SMCHD1: variants seen among roughly 807,000 people sequenced by gnomAD.
SMCHD1 encodes the protein structural maintenance of chromosomes flexible hinge domain-containing protein 1.
SMCHD1 carries 78 observed loss-of-function variants against 254.7 expected under a neutral mutation model. The observed-to-expected ratio is 0.31, with a 90% CI of 0.26 to 0.37. The LOEUF is 0.37. Ranked by LOEUF, SMCHD1 falls within the 10% of genes least tolerant of loss-of-function variation. SMCHD1 has a pLI of 1.00. For missense variants in SMCHD1, 1,840 were observed against 2,408.1 expected (o/e 0.76, Z 4.94); for synonymous variants, 766 against 794.9 (o/e 0.96, Z 0.61).
At chr18:2,709,452 T>C (rs2074618070) in intron 17 of SMCHD1, among the ~76,000 whole-genome samples, 1 of 152,176 alleles carries the variant, frequency 6.6e-6, no homozygotes, top group South Asian at 2.1e-4. Flanking sequence ...ATTTAATTTA[T>C]TGAGAAACTG....
At chr18:2,732,726 T>G (rs982528793) in intron 25 of SMCHD1, among the ~76,000 whole-genome samples, 12 of 152,172 alleles carry the variant, frequency 7.9e-5, no homozygotes, top group African/African-American at 2.2e-4. Flanking sequence ...CTTAAAAATC[T>G]AGGTTTTGGC....
intron 23 of SMCHD1, 70 bp from the exon 24 acceptor site, chr18:2,729,197 ATTTGAAAC>A: frequency 8.3e-7 from 1 of 1,199,920 alleles, no homozygotes; most frequent in Non-Finnish European, 1.1e-6. Flanking sequence ...CTACTGAATT[ATTTGAAAC>A]TTTGAACAAT....
Position 2,738,465 on chromosome 18 carries a change from A to G in SMCHD1, c.3345A>G (p.Pro1115=). Residue 1115 remains proline (P), a synonymous_variant, in exon 26 of 48, where the codon CCA becomes CCG. Transcript: ENST00000320876. Reference sequence around the variant, plus strand: ...GTCTGCTTCCTGATGTGCAAGTACCAACATCTGTAAAAGATATGCGCTATT... The same window carrying G: ...GTCTGCTTCCTGATGTGCAAGTACCGACATCTGTAAAAGATATGCGCTATT... ...LQGLLPDVQV[P]TSVKDMRYCQ... 6.2e-7 allele frequency: 1 copy of G among 1,612,638 alleles called. No individual in the cohort carries two copies. The highest frequency in any genetic ancestry group is 1.1e-5 in the South Asian group (1 of 90,876).
intron 10 of SMCHD1, 41 bp downstream of exon 10, chr18:2,698,082 T>A: frequency 1.4e-6 from 2 of 1,466,596 alleles, no homozygotes; most frequent in Non-Finnish European, 9.4e-7. Context: ...TATGAAGTTG[T>A]AATTTAGGAC....
chr18:2,745,608 A>C (rs1459054294), intron 29 of SMCHD1, among the ~76,000 whole-genome samples: 1 of 152,168 alleles, frequency 6.6e-6, no homozygotes, highest in Non-Finnish European at 1.5e-5. Context: ...TTTTATACCT[A>C]CTGATGCCAG....
intron 45 of SMCHD1, among the ~76,000 whole-genome samples, chr18:2,786,002 T>A (rs2076234267): frequency 6.6e-6 from 1 of 152,142 alleles, no homozygotes. Context: ...TACTTTTATT[T>A]ACTTTTTTCT....
intron 41 of SMCHD1, 134 bp downstream of exon 41, chr18:2,772,506 A>G: frequency 1.5e-6 from 1 of 669,434 alleles, no homozygotes; most frequent in South Asian, 3.2e-5. Flanking sequence ...ACCTGCTCTC[A>G]TTATTGCAAT....
chr18:2,737,984 A>G (rs141713116), intron 25 of SMCHD1, among the ~76,000 whole-genome samples: 1 of 152,264 alleles, frequency 6.6e-6, no homozygotes, highest in East Asian at 1.9e-4. Context: ...CTTTTTTCTC[A>G]CCTTGCTAAG....
intron 22 of SMCHD1, chr18:2,726,962 G>C (rs1479889721): frequency 6.5e-6 from 1 of 153,560 alleles, no homozygotes; most frequent in Non-Finnish European, 1.4e-5. Flanking sequence ...TGGCTAATTT[G>C]AGAGGTAGTC....
At chr18:2,730,939 TA>T (rs2075126476) in intron 24 of SMCHD1, among the ~76,000 whole-genome samples, 1 of 152,120 alleles carries the variant, frequency 6.6e-6, no homozygotes, top group Admixed American at 6.5e-5. Flanking sequence ...GACTATGAAT[TA>T]GGGAGGAATC....
intron 4 of SMCHD1, 124 bp from the exon 5 acceptor site, chr18:2,673,891 A>C (rs1297477152): frequency 4.3e-6 from 4 of 922,042 alleles, no homozygotes; most frequent in Non-Finnish European, 6.4e-6. Context: ...AAATTGTATT[A>C]ATTTGCACTT....
Position 2,722,519 on chromosome 18 carries a change from A to T in SMCHD1, c.2459A>T (p.Glu820Val), listed in dbSNP as rs1435883093. 2 of 1,602,428 alleles carry T rather than the reference A, an allele frequency of 1.2e-6. No homozygotes were observed. Among genetic ancestry groups the T allele is most frequent in the East Asian group, 2.2e-5 (1 of 44,658 alleles). ...CATTTCATTTTTGTTTTTGTTAAAGAGGGTAAGCCAGAGAAATTTTCATTT... is the reference window on the plus strand; with the variant it reads ...CATTTCATTTTTGTTTTTGTTAAAGTGGGTAAGCCAGAGAAATTTTCATTT... ...PSKAIKFSVKEGKPEKFSFGL... is the reference protein window; with the variant it reads ...PSKAIKFSVKVGKPEKFSFGL... The change falls in exon 20 of 48, where the codon GAG becomes GTG. Residue 820 changes from glutamate to valine, a missense_variant and splice_region_variant. By Grantham distance (121) the Glu-to-Val change is moderately radical. Transcript: ENST00000320876.
At chr18:2,656,356 C>G in intron 1 of SMCHD1, 95 bp downstream of exon 1, 1 of 1,157,606 alleles carries the variant, frequency 8.6e-7, no homozygotes. Flanking sequence ...ATAAACCTGT[C>G]ACCCGGTCCC....
intron 17 of SMCHD1, among the ~76,000 whole-genome samples, chr18:2,708,940 T>G (rs2074599796): frequency 7.9e-6 from 1 of 126,264 alleles, no homozygotes; most frequent in Non-Finnish European, 1.6e-5. Context: ...GAAGTGGCAT[T>G]AAGTACATTC....
intron 3 of SMCHD1, among the ~76,000 whole-genome samples, chr18:2,671,391 A>G (rs950939177): frequency 6.6e-6 from 1 of 152,174 alleles, no homozygotes; most frequent in African/African-American, 2.4e-5. Flanking sequence ...CTATCAGTTG[A>G]AACCATATCA....
At chr18:2,689,253 T>G (rs1555630918) in intron 7 of SMCHD1, among the ~76,000 whole-genome samples, 1 of 147,782 alleles carries the variant, frequency 6.8e-6, no homozygotes, top group Non-Finnish European at 1.5e-5. Flanking sequence ...AGTCTCACTC[T>G]GTCTCCTGGG....
chr18:2,669,968 T>C (rs536244622), intron 3 of SMCHD1, among the ~76,000 whole-genome samples: 27 of 152,334 alleles, frequency 1.8e-4, no homozygotes, highest in African/African-American at 6.3e-4. Context: ...AAAATGACCA[T>C]TTCTCACCAT....
In SMCHD1 at chr18:2,804,719, G is replaced by A. The variant is rs2076417403; in HGVS notation, c.*2167G>A. ...TTTCTACATTTGAGCAAATACTGAG[G>A]TTCATGTTGTACCAAATAATAATAA... On this transcript the variant is annotated 3_prime_UTR_variant, in exon 48 of 48. Transcript: ENST00000320876. 1 of 152,122 alleles carries A rather than the reference G, an allele frequency of 6.6e-6. No individual in the cohort carries two copies. The highest frequency in any genetic ancestry group is 2.4e-5 in the African/African-American group (1 of 41,408). 9.4% of individuals were successfully genotyped at this position (152,122 alleles called of 1,614,324 possible). A position where few individuals can be genotyped will look rare whatever the true frequency, so the allele number is the denominator to read the frequency against.
intron 45 of SMCHD1, among the ~76,000 whole-genome samples, chr18:2,790,341 A>G (rs890467504): frequency 1.3e-5 from 2 of 152,208 alleles, no homozygotes; most frequent in African/African-American, 4.8e-5. Flanking sequence ...AGATACTTTG[A>G]GAGGGAAAGA....
Sources: allele counts gnomAD v4.1 joint callset (sites outside exome capture counted in the v4.1 genomes callset), GRCh38; gene constraint gnomAD v4.1.1; transcripts MANE v1.5; gene names NCBI Gene and HGNC (gene_info 2026-07-23, HGNC 2026-07-21).